The following CRIM1 variants were observed in gnomAD, a reference collection of about 807,000 sequenced individuals.
CRIM1 encodes the protein cysteine-rich motor neuron 1 protein.
Under a neutral mutation model 116.4 loss-of-function variants are expected in CRIM1, and 32 were observed. That is an observed-to-expected ratio of 0.27 (90% CI 0.21 to 0.37). The LOEUF is 0.37. Among genes scored for constraint, CRIM1 ranks in the 10% least tolerant of loss-of-function variants. The pLI, the probability that CRIM1 is intolerant of heterozygous loss-of-function variation, is 1.00. For synonymous variants in CRIM1, 590 were observed against 509.2 expected, an observed-to-expected ratio of 1.16 and a Z score of -2.13; for missense variants, 1,331 against 1,354.8, an observed-to-expected ratio of 0.98 and a Z score of 0.28.
At chr2:36,473,454 A>G (rs966660618) in intron 5 of CRIM1, among the ~76,000 whole-genome samples, 3 of 152,152 alleles carry the variant, frequency 2.0e-5, no homozygotes, top group African/African-American at 7.2e-5. Context: ...CATCAACACA[A>G]TCAGTTTCAG....
chr2:36,393,060 G>A (rs969804551), intron 1 of CRIM1, among the ~76,000 whole-genome samples: 1 of 152,322 alleles, frequency 6.6e-6, no homozygotes, highest in South Asian at 2.1e-4. Context: ...TTCCAGATTT[G>A]AGGGAAATGG....
chr2:36,440,357 A>G (rs1675710615), intron 2 of CRIM1, among the ~76,000 whole-genome samples: 1 of 152,188 alleles, frequency 6.6e-6, no homozygotes, highest in Non-Finnish European at 1.5e-5. Context: ...AATTTCACCT[A>G]ATGTCTCCTG....
At position 36,479,666 on chromosome 2, in the gene CRIM1, G is replaced by C. The variant is rs920875854; in HGVS notation, c.1344G>C (p.Val448=). ...CGQTCTNPVK[V]PGECCPVCEE... ...AGACCTGCACAAACCCTGTGAAAGT[G>C]CCTGGGGAGTGTTGCCCTGTGTGCG... The change falls in exon 7 of 17, where the codon GTG becomes GTC. Residue 448 remains valine (V), a synonymous_variant. Transcript: ENST00000280527. The C allele has an allele frequency of 3.1e-6, 5 of 1,614,084 alleles. No individual in the cohort carries two copies. The African/African-American group carries it at 5.3e-5, about 17-fold the overall frequency.
intron 1 of CRIM1, among the ~76,000 whole-genome samples, chr2:36,360,654 T>C (rs904200459): frequency 2.0e-5 from 3 of 152,134 alleles, no homozygotes; most frequent in Non-Finnish European, 4.4e-5. Context: ...GATGGCTGCT[T>C]GGAAGAAAAT....
intron 5 of CRIM1, among the ~76,000 whole-genome samples, chr2:36,468,917 A>T (rs76493450): frequency 0.023 from 3,569 of 152,346 alleles, 141 homozygotes; most frequent in African/African-American, 0.083. Flanking sequence ...TTGGTTGGAA[A>T]GTCGTAGCCA....
intron 3 of CRIM1, 44 bp downstream of exon 3, chr2:36,441,544 G>A (rs374077616): frequency 1.3e-6 from 2 of 1,593,202 alleles, no homozygotes; most frequent in Non-Finnish European, 1.7e-6. Flanking sequence ...CTTTGCATCA[G>A]AGGGTAGCAG....
chr2:36,362,619 G>C (rs1669300532), intron 1 of CRIM1, among the ~76,000 whole-genome samples: 1 of 152,106 alleles, frequency 6.6e-6, no homozygotes, highest in Non-Finnish European at 1.5e-5. Flanking sequence ...CTTGCCCTGG[G>C]CAGTAGCCTG....
chr2:36,469,711 A>G (rs569020561), intron 5 of CRIM1, among the ~76,000 whole-genome samples: 8 of 152,316 alleles, frequency 5.3e-5, no homozygotes, highest in African/African-American at 1.7e-4. Context: ...TATGCTCATA[A>G]TGTTTCTAAG....
At chr2:36,375,858 G>T (rs1451804372) in intron 1 of CRIM1, among the ~76,000 whole-genome samples, 2 of 152,216 alleles carry the variant, frequency 1.3e-5, no homozygotes, top group African/African-American at 4.8e-5. Context: ...TATTTGTAGA[G>T]TTTTAGTTGG....
At chr2:36,543,519 T>A (rs757216578) in intron 14 of CRIM1, among the ~76,000 whole-genome samples, 7 of 152,176 alleles carry the variant, frequency 4.6e-5, no homozygotes, top group Non-Finnish European at 1.5e-5. Context: ...CAGTGAATAA[T>A]ATGGCAGGAT....
Position 36,355,946 on chromosome 2 carries a change from C to A in CRIM1, c.-347C>A, listed in dbSNP as rs1001573055. ...GAGGCGCCGCCGGCCCGGGCTGGAG[C>A]CGAGCGCAGCAGCCACCGCCGCCGC... On this transcript the variant is annotated 5_prime_UTR_variant, in exon 1 of 17. Transcript: ENST00000280527. 6.6e-6 allele frequency: 1 copy of A among 151,732 alleles called. No individual in the cohort carries two copies. Among genetic ancestry groups the A allele is most frequent in the African/African-American group, 2.4e-5 (1 of 41,294 alleles). The allele number at this position is 151,732 out of a possible 1,614,324, so 9.4% of individuals were successfully genotyped here. A position where few individuals can be genotyped will look rare whatever the true frequency, so the allele number is the denominator to read the frequency against.
rs868155172 is a variant in CRIM1 at position 36,408,894 on chromosome 2, T to C, written c.505+12107T>C. Among the ~76,000 whole-genome samples the C allele has an allele frequency of 2.6e-5, 4 of 152,130 alleles. No homozygotes were observed. In the East Asian group the frequency reaches 7.7e-4, roughly 29 times the overall value. ...GTCAAAAAAGTGATCATTTCAAATG[T>C]TCTTATAATTTTATCACTATAGGTA... On this transcript the variant is annotated intron_variant, in intron 2 of 16. Coordinates refer to ENST00000280527, the MANE Select transcript of CRIM1 (RefSeq NM_016441.3).
rs762063646 is a variant in CRIM1 at position 36,356,487 on chromosome 2, G to A, written c.195G>A (p.Thr65=). 2.5e-6 allele frequency: 4 copies of A among 1,612,462 alleles called. No homozygotes were observed. The highest frequency in any genetic ancestry group is 1.7e-5 in the Admixed American group (1 of 60,014). ...AGGGCGTCTGCGGCTGCTGCTACAC[G>A]TGCGCCAGCCAGAGGAACGAGAGCT... ...IVQGVCGCCY[T]CASQRNESCG... is the part of the protein sequence containing the mutation. The change falls in exon 1 of 17, where the codon ACG becomes ACA. Residue 65 remains threonine (T), a synonymous_variant. Coordinates refer to ENST00000280527, the MANE Select transcript of CRIM1 (RefSeq NM_016441.3). This position sits in a 1 kb window ranked among gnomAD's most constrained non-coding sequence, Gnocchi z 4.3.
intron 7 of CRIM1, among the ~76,000 whole-genome samples, chr2:36,489,218 T>G (rs1469921186): frequency 6.6e-6 from 1 of 152,156 alleles, no homozygotes; most frequent in African/African-American, 2.4e-5. Flanking sequence ...CCCCTTAGTT[T>G]GCCTATCAGT....
intron 1 of CRIM1, among the ~76,000 whole-genome samples, chr2:36,386,148 G>C (rs1572613266): frequency 1.3e-5 from 2 of 152,160 alleles, no homozygotes; most frequent in South Asian, 2.1e-4. Flanking sequence ...TTTTAGGTTA[G>C]AGCATCCATT....
intron 10 of CRIM1, among the ~76,000 whole-genome samples, chr2:36,512,889 T>C (rs1199069139): frequency 1.3e-5 from 2 of 152,228 alleles, no homozygotes; most frequent in Non-Finnish European, 2.9e-5. Flanking sequence ...AGAGCCTGGA[T>C]ATCCCTGCTG....
chr2:36,381,703 C>G lies in CRIM1; in HGVS notation c.332-14911C>G, dbSNP rs562658371. ...TCAGGAGGCTGAGGCAGGAGAATTG[C>G]CTGAACCGGGGAGGCAGAGGTTGCA... On this transcript the variant is annotated intron_variant, in intron 1 of 16. Transcript: ENST00000280527. Among the ~76,000 whole-genome samples the G allele has an allele frequency of 2.6e-5, 4 of 152,282 alleles. No homozygotes were observed. The South Asian group carries it at 8.3e-4, about 32-fold the overall frequency.
chr2:36,390,193 A>G (rs1360295222), intron 1 of CRIM1, among the ~76,000 whole-genome samples: 4 of 152,328 alleles, frequency 2.6e-5, no homozygotes, highest in Non-Finnish European at 4.4e-5. Context: ...TGCCTTGGCA[A>G]TATAAGTTGT....
intron 1 of CRIM1, among the ~76,000 whole-genome samples, chr2:36,370,816 A>G (rs1403603198): frequency 2.0e-5 from 3 of 152,200 alleles, no homozygotes; most frequent in Non-Finnish European, 4.4e-5. Flanking sequence ...TTTCATATGC[A>G]TAGTTATTCC....
Sources: allele counts gnomAD v4.1 joint callset (sites outside exome capture counted in the v4.1 genomes callset), GRCh38; gene constraint gnomAD v4.1.1; non-coding constraint Gnocchi (gnomAD v3.1); transcripts MANE v1.5; gene names NCBI Gene and HGNC (gene_info 2026-07-23, HGNC 2026-07-21).